The following NEK5 variants were observed in gnomAD, a reference collection of about 807,000 sequenced individuals.
NEK5 encodes the protein serine/threonine-protein kinase Nek5.
A neutral mutation model predicts 109.2 loss-of-function variants in NEK5; 88 were observed. That is an observed-to-expected ratio of 0.81 (90% CI 0.68 to 0.96). The LOEUF (loss-of-function observed/expected upper bound fraction) is 0.96. Among genes scored for constraint, NEK5 ranks in the 40% least tolerant of loss-of-function variants. The pLI is 0.00. For missense variants in NEK5, 834 were observed against 920.7 expected (o/e 0.91, Z 1.22); for synonymous variants, 283 against 299.9 (o/e 0.94, Z 0.58).
At chr13:52,045,764 CAA>C (rs769932877) in intron 23 of NEK5, among the ~76,000 whole-genome samples, 112 of 63,118 alleles carry the variant, frequency 1.8e-3, no homozygotes, top group Non-Finnish European at 2.5e-3. Flanking sequence ...GACTCTGTCT[CAA>C]AAAAAAAAAA....
At chr13:52,105,274 TCAGAGAGAAGGAGAGAGAGATAG>T (rs1348562236) in intron 8 of NEK5, among the ~76,000 whole-genome samples, 1 of 100,972 alleles carries the variant, frequency 9.9e-6, no homozygotes, top group Admixed American at 1.0e-4. Context: ...TGTGTGTGTG[TCAGAGAGAAGGAGAGAGAGATAG>T]ACTCATACTA....
At chr13:52,104,178 G>A (rs1381910253) in intron 9 of NEK5, among the ~76,000 whole-genome samples, 1 of 151,952 alleles carries the variant, frequency 6.6e-6, no homozygotes, top group African/African-American at 2.4e-5. Context: ...GGCCAGGTTG[G>A]TCTCCAACTC....
At chr13:52,123,822 T>C (rs925141348) in intron 3 of NEK5, among the ~76,000 whole-genome samples, 4 of 144,880 alleles carry the variant, frequency 2.8e-5, no homozygotes, top group Non-Finnish European at 4.7e-5. Context: ...TCTGGAGGTA[T>C]GGTAGAGCTC....
At chr13:52,101,753 A>G (rs533749725) in intron 11 of NEK5, among the ~76,000 whole-genome samples, 180 bp downstream of exon 11, 1 of 152,262 alleles carries the variant, frequency 6.6e-6, no homozygotes, top group Non-Finnish European at 1.5e-5. Context: ...TGAGCTAGAT[A>G]TACAACTTTC....
intron 12 of NEK5, among the ~76,000 whole-genome samples, chr13:52,095,980 A>T (rs1481231754): frequency 6.6e-6 from 1 of 152,046 alleles, no homozygotes; most frequent in Non-Finnish European, 1.5e-5. Flanking sequence ...TGTTCTTGTG[A>T]TAGTGAGTGA....
intron 22 of NEK5, among the ~76,000 whole-genome samples, chr13:52,054,774 A>T (rs1190167132): frequency 6.6e-6 from 1 of 152,356 alleles, no homozygotes; most frequent in East Asian, 1.9e-4. Flanking sequence ...AACAGAAGGG[A>T]CATCCACACC....
intron 3 of NEK5, among the ~76,000 whole-genome samples, chr13:52,126,177 T>C (rs1956060896): frequency 6.6e-6 from 1 of 152,222 alleles, no homozygotes; most frequent in Admixed American, 6.5e-5. Flanking sequence ...GAATTAATTC[T>C]AGCAAACAAT....
intron 17 of NEK5, among the ~76,000 whole-genome samples, chr13:52,077,465 C>T (rs892832378): frequency 9.2e-5 from 14 of 151,998 alleles, no homozygotes; most frequent in African/African-American, 2.9e-4. Context: ...AGCCATGGTG[C>T]GGGGATGGGG....
intron 3 of NEK5, among the ~76,000 whole-genome samples, chr13:52,123,470 T>C (rs1186373158): frequency 1.3e-5 from 2 of 152,198 alleles, no homozygotes; most frequent in African/African-American, 4.8e-5. Context: ...CTCAAATATT[T>C]TCTCTTTACA....
At chr13:52,084,760 A>AGTGTGTGTGTGTGTGT in intron 16 of NEK5, among the ~76,000 whole-genome samples, 1 of 36,662 alleles carries the variant, frequency 2.7e-5, no homozygotes, top group African/African-American at 6.8e-5. Flanking sequence ...AGAGAGAGAG[A>AGTGTGTGTGTGTGTGT]GAGTGTGTGT....
chr13:52,080,988 T>A (rs75980739), intron 17 of NEK5, among the ~76,000 whole-genome samples: 3 of 146,090 alleles, frequency 2.1e-5, no homozygotes, highest in South Asian at 2.2e-4. Context: ...ATATGTCATT[T>A]AAAAAAAAAA....
In NEK5 at chr13:52,072,029, GC is replaced by G; in HGVS notation, c.1763del (p.Gly588AlafsTer2). On this transcript the variant is annotated frameshift_variant, in exon 20 of 24. Coordinates refer to ENST00000684899, the MANE Select transcript of NEK5 (RefSeq NM_001365552.1). LOFTEE classifies it high-confidence loss of function. ...CACATTCATATTCCTTAAACTTCAT[GC>G]CATCCTCAAAGGTCAAAGTTTCATT... ...IPNETLTFED[G>X]MKFKEYECVK... 1.2e-6 allele frequency: 2 copies of G among 1,609,972 alleles called. No individual in the cohort carries two copies. The highest frequency in any genetic ancestry group is 1.7e-6 in the Non-Finnish European group (2 of 1,176,422).
At chr13:52,054,608 A>C (rs533822305) in intron 22 of NEK5, among the ~76,000 whole-genome samples, 59 of 148,238 alleles carry the variant, frequency 4.0e-4, no homozygotes, top group African/African-American at 1.2e-3. Flanking sequence ...ATCTGAGAAC[A>C]GGCAGACTGC....
chr13:52,041,446 G>C (rs916940589), intron 23 of NEK5, among the ~76,000 whole-genome samples: 3 of 152,086 alleles, frequency 2.0e-5, no homozygotes, highest in Non-Finnish European at 4.4e-5. Flanking sequence ...TTAGAAAACA[G>C]TATTCAAGGA....
chr13:52,102,758 G>T (rs1324306789), intron 9 of NEK5, among the ~76,000 whole-genome samples: 2 of 152,168 alleles, frequency 1.3e-5, no homozygotes, highest in South Asian at 4.1e-4. Flanking sequence ...AATCTTTCAT[G>T]AGCAGATACT....
At chr13:52,089,784 G>A (rs1323250246) in intron 13 of NEK5, among the ~76,000 whole-genome samples, 4 of 151,958 alleles carry the variant, frequency 2.6e-5, no homozygotes, top group East Asian at 1.9e-4. Flanking sequence ...TCAGGAGTTC[G>A]AGATCAGCCT....
Position 52,072,082 on chromosome 13 carries a change from C to A in NEK5, c.1723-12G>T, listed in dbSNP as rs961120635. ...GGTATATCCATTGCCTAAATCAATT[C>A]CACAGTGTTTCATGATAAATTAGCC... On this transcript the variant is annotated splice_polypyrimidine_tract_variant and intron_variant, in intron 19 of 23. Coordinates refer to ENST00000684899, the MANE Select transcript of NEK5 (RefSeq NM_001365552.1). 1.2e-6 allele frequency: 2 copies of A among 1,600,774 alleles called. No homozygotes were observed. The highest frequency in any genetic ancestry group is 1.1e-5 in the South Asian group (1 of 89,234).
intron 20 of NEK5, among the ~76,000 whole-genome samples, chr13:52,068,748 C>T (rs1026112977): frequency 6.6e-6 from 1 of 152,156 alleles, no homozygotes; most frequent in Non-Finnish European, 1.5e-5. Context: ...GTGGGCAGAT[C>T]ACCTGAGATC....
Position 52,034,474 on chromosome 13 carries a change from T to G in NEK5, c.*2474A>C, listed in dbSNP as rs1954339373. 1 of 151,542 alleles carries G rather than the reference T, an allele frequency of 6.6e-6. No individual in the cohort carries two copies. Among genetic ancestry groups the G allele is most frequent in the Admixed American group, 6.6e-5 (1 of 15,196 alleles). 9.4% of individuals were successfully genotyped at this position (151,542 alleles called of 1,614,324 possible). ...CTAGACTTTAGCCAAGCATCTTTTATCATGGGAACAAACCCGATAACCTGA... is the reference window on the plus strand; with the variant it reads ...CTAGACTTTAGCCAAGCATCTTTTAGCATGGGAACAAACCCGATAACCTGA... On this transcript the variant is annotated 3_prime_UTR_variant, in exon 24 of 24. Coordinates refer to ENST00000684899, the MANE Select transcript of NEK5 (RefSeq NM_001365552.1).
Sources: allele counts gnomAD v4.1 joint callset (sites outside exome capture counted in the v4.1 genomes callset), GRCh38; gene constraint gnomAD v4.1.1; transcripts MANE v1.5; gene names NCBI Gene and HGNC (gene_info 2026-07-23, HGNC 2026-07-21).